CSRNP3: variants seen among roughly 807,000 people sequenced by gnomAD.
CSRNP3 encodes cysteine/serine-rich nuclear protein 3.
In CSRNP3, 12 loss-of-function variants were observed where a neutral mutation model predicts 48.0. The ratio of observed to expected loss-of-function variants is 0.25; its 90% confidence interval spans 0.16 to 0.41. CSRNP3 has a LOEUF of 0.41. Among genes scored for constraint, CSRNP3 ranks in the 10% least tolerant of loss-of-function variants. CSRNP3 has a pLI of 1.00. For synonymous variants in CSRNP3, 263 were observed against 269.7 expected, an observed-to-expected ratio of 0.98 and a Z score of 0.24; for missense variants, 580 against 724.4, an observed-to-expected ratio of 0.80 and a Z score of 2.29.
chr2:165,511,684 G>C (rs894461005), intron 2 of CSRNP3, among the ~76,000 whole-genome samples: 1 of 152,116 alleles, frequency 6.6e-6, no homozygotes, highest in Admixed American at 6.6e-5. Flanking sequence ...AAGGAATGTG[G>C]GATGGTTGAA....
At chr2:165,507,504 C>A (rs2105224089) in intron 2 of CSRNP3, among the ~76,000 whole-genome samples, 1 of 152,230 alleles carries the variant, frequency 6.6e-6, no homozygotes, top group South Asian at 2.1e-4. Context: ...GGTAAAATCA[C>A]TTTATCATAA....
intron 6 of CSRNP3, among the ~76,000 whole-genome samples, chr2:165,678,125 G>C (rs1204340050): frequency 6.6e-6 from 1 of 152,130 alleles, no homozygotes; most frequent in Non-Finnish European, 1.5e-5. Flanking sequence ...AAGCAAATGA[G>C]AGCAAATTGT....
intron 2 of CSRNP3, among the ~76,000 whole-genome samples, chr2:165,505,303 G>C (rs1213460179): frequency 6.6e-6 from 1 of 152,048 alleles, no homozygotes; most frequent in Non-Finnish European, 1.5e-5. Context: ...ATAATAAAAA[G>C]ATAAAGGCAT....
chr2:165,567,669 G>A (rs1685315991), intron 3 of CSRNP3, among the ~76,000 whole-genome samples: 1 of 151,982 alleles, frequency 6.6e-6, no homozygotes, highest in African/African-American at 2.4e-5. Context: ...TGTGTTTTAA[G>A]TCTTAGTTTG....
At chr2:165,610,954 G>A (rs893082383) in intron 4 of CSRNP3, among the ~76,000 whole-genome samples, 3 of 152,114 alleles carry the variant, frequency 2.0e-5, no homozygotes, top group Non-Finnish European at 2.9e-5. Context: ...TGAACTCTAG[G>A]CACTATCAGA....
rs548187631 is a variant in CSRNP3, at chr2:165,682,246, G to A, written c.*2493G>A. On this transcript the variant is annotated 3_prime_UTR_variant, in exon 7 of 7. Transcript: ENST00000651982. ...TTTCTAGCTTTGTTTCCAAAAGGATGCTTAAGAAAACAGAGTTTTTTTCCC... is the reference window on the plus strand; with the variant it reads ...TTTCTAGCTTTGTTTCCAAAAGGATACTTAAGAAAACAGAGTTTTTTTCCC... 3.9e-5 allele frequency: 6 copies of A among 152,040 alleles called. No individual in the cohort carries two copies. The highest frequency in any genetic ancestry group is 7.4e-5 in the Non-Finnish European group (5 of 68,004). The allele number at this position is 152,040 out of a possible 1,614,324, so 9.4% of individuals were successfully genotyped here.
At chr2:165,647,731 A>G (rs551627615) in intron 4 of CSRNP3, among the ~76,000 whole-genome samples, 16 of 152,298 alleles carry the variant, frequency 1.1e-4, no homozygotes, top group Admixed American at 3.3e-4. Context: ...TTTCACTTTC[A>G]GTACAGTATT....
intron 3 of CSRNP3, among the ~76,000 whole-genome samples, chr2:165,525,387 A>G (rs1470936937): frequency 6.6e-6 from 1 of 151,578 alleles, no homozygotes; most frequent in Non-Finnish European, 1.5e-5. Flanking sequence ...TCTTGACCAC[A>G]TCCTTTTAGA....
chr2:165,537,846 A>T (rs562692563), intron 3 of CSRNP3, among the ~76,000 whole-genome samples: 1 of 151,824 alleles, frequency 6.6e-6, no homozygotes, highest in Non-Finnish European at 1.5e-5. Flanking sequence ...TAGATTTACC[A>T]CTTGCCTTCC....
chr2:165,621,246 G>A (rs878897588), intron 4 of CSRNP3, among the ~76,000 whole-genome samples: 7 of 150,952 alleles, frequency 4.6e-5, no homozygotes, highest in Middle Eastern at 3.3e-3. Flanking sequence ...TTCTGCAGGC[G>A]TCCTACCAAA....
intron 4 of CSRNP3, among the ~76,000 whole-genome samples, chr2:165,600,771 C>T (rs1458542787): frequency 6.6e-6 from 1 of 152,092 alleles, no homozygotes; most frequent in Non-Finnish European, 1.5e-5. Flanking sequence ...AGTGTGGTTG[C>T]CCTTATTTAA....
intron 5 of CSRNP3, among the ~76,000 whole-genome samples, chr2:165,674,445 C>T (rs1279487320): frequency 6.6e-6 from 1 of 151,688 alleles, no homozygotes; most frequent in Non-Finnish European, 1.5e-5. Context: ...AAACGACAAA[C>T]ACAACCAGTC....
chr2:165,617,105 C>T (rs1686258365), intron 4 of CSRNP3, among the ~76,000 whole-genome samples: 1 of 152,040 alleles, frequency 6.6e-6, no homozygotes, highest in African/African-American at 2.4e-5. Flanking sequence ...TTGTATCTCA[C>T]TGAGTTTCTT....
intron 3 of CSRNP3, among the ~76,000 whole-genome samples, chr2:165,590,396 A>G (rs1685697180): frequency 1.3e-5 from 2 of 152,234 alleles, no homozygotes; most frequent in South Asian, 2.1e-4. Flanking sequence ...GCAGGTAACC[A>G]TCTAACTTTC....
chr2:165,618,777 C>T (rs778603489), intron 4 of CSRNP3, among the ~76,000 whole-genome samples: 2 of 152,060 alleles, frequency 1.3e-5, no homozygotes, highest in Admixed American at 1.3e-4. Flanking sequence ...AATATGAAGA[C>T]TGTATTAGGA....
At chr2:165,626,231 A>G (rs1311580540) in intron 4 of CSRNP3, among the ~76,000 whole-genome samples, 1 of 152,154 alleles carries the variant, frequency 6.6e-6, no homozygotes, top group African/African-American at 2.4e-5. Flanking sequence ...TCAGAAAAAA[A>G]AAAAAGAGAA....
At position 165,663,016 on chromosome 2, in the gene CSRNP3, C is replaced by A. The variant is rs986004315; in HGVS notation, c.408+4996C>A. On this transcript the variant is annotated intron_variant, in intron 5 of 6. Transcript: ENST00000651982. ...AAAAAAACTCTACATAAATTTTTTT[C>A]ATCCCAAATCTCAGATTTATGACTG... Among the ~76,000 whole-genome samples, 6 of 152,146 alleles carry A rather than the reference C, an allele frequency of 3.9e-5. 1 individual carries two copies. The highest frequency in any genetic ancestry group is 4.2e-4 in the South Asian group (2 of 4,808).
intron 4 of CSRNP3, among the ~76,000 whole-genome samples, chr2:165,651,418 A>C (rs1418651536): frequency 3.9e-5 from 6 of 152,190 alleles, no homozygotes; most frequent in Non-Finnish European, 8.8e-5. Context: ...TGATATACTC[A>C]TCCCCTGTAG....
At chr2:165,560,509 G>A (rs992751512) in intron 3 of CSRNP3, among the ~76,000 whole-genome samples, 1 of 152,104 alleles carries the variant, frequency 6.6e-6, no homozygotes, top group African/African-American at 2.4e-5. Context: ...GCTAACCCAA[G>A]CTTTACACTA....
Sources: allele counts gnomAD v4.1 joint callset (sites outside exome capture counted in the v4.1 genomes callset), GRCh38; gene constraint gnomAD v4.1.1; transcripts MANE v1.5; gene names NCBI Gene and HGNC (gene_info 2026-07-23, HGNC 2026-07-21).